The following TRAPPC9 variants were observed in gnomAD, a reference collection of about 807,000 sequenced individuals.
The protein encoded by TRAPPC9 is trafficking protein particle complex subunit 9.
TRAPPC9 carries 83 observed loss-of-function variants against 124.0 expected under a neutral mutation model. That is an observed-to-expected ratio of 0.67 (90% confidence interval 0.56 to 0.80). The LOEUF (loss-of-function observed/expected upper bound fraction) is 0.80. TRAPPC9 is among the 30% of genes least tolerant of loss of function. The pLI is 0.00. For synonymous variants in TRAPPC9, 638 were observed against 617.5 expected, an observed-to-expected ratio of 1.03 and a Z score of -0.49; for missense variants, 1,302 against 1,508.3, an observed-to-expected ratio of 0.86 and a Z score of 2.27.
At position 139,894,466 on chromosome 8, in the gene TRAPPC9, G is replaced by T. The variant is rs568577612; in HGVS notation, c.2965-8497C>A. On this transcript the variant is annotated intron_variant, in intron 20 of 22. Transcript: ENST00000438773. Reference sequence around the variant, plus strand: ...GGCCTGGGCTCAGCCCCACTGCTGCGGTGCCCTGAGTGCGCCACTCCTCCT... The same window carrying T: ...GGCCTGGGCTCAGCCCCACTGCTGCTGTGCCCTGAGTGCGCCACTCCTCCT... Among the ~76,000 whole-genome samples, 81 of 152,254 alleles carry T rather than the reference G, an allele frequency of 5.3e-4. 1 individual carries two copies. The highest frequency in any genetic ancestry group is 3.4e-3 in the Middle Eastern group (1 of 294).
At chr8:140,427,977 T>C (rs1257257295) in intron 4 of TRAPPC9, among the ~76,000 whole-genome samples, 1 of 152,116 alleles carries the variant, frequency 6.6e-6, no homozygotes, top group African/African-American at 2.4e-5. Flanking sequence ...TCCCTGCCTA[T>C]GGGGAGACTG....
At chr8:140,183,748 A>G (rs961014990) in intron 17 of TRAPPC9, among the ~76,000 whole-genome samples, 2 of 151,662 alleles carry the variant, frequency 1.3e-5, no homozygotes, top group Non-Finnish European at 2.9e-5. Context: ...CCAGCTACTC[A>G]GGAGACTGAA....
chr8:140,160,902 C>T (rs1000794078), intron 17 of TRAPPC9, among the ~76,000 whole-genome samples: 1 of 152,078 alleles, frequency 6.6e-6, no homozygotes, highest in Non-Finnish European at 1.5e-5. Context: ...ACCAGATTAT[C>T]ATGAGTTCTG....
chr8:140,167,700 T>C (rs934229891), intron 17 of TRAPPC9, among the ~76,000 whole-genome samples: 1 of 152,262 alleles, frequency 6.6e-6, no homozygotes, highest in Non-Finnish European at 1.5e-5. Context: ...GGGCTGATGA[T>C]GAGTTTTAAG....
chr8:140,453,099 A>G (rs1452575263), intron 1 of TRAPPC9, among the ~76,000 whole-genome samples: 1 of 152,064 alleles, frequency 6.6e-6, no homozygotes, highest in Admixed American at 6.6e-5. Flanking sequence ...AAAAAGTCTA[A>G]TTTTTTTAAA....
chr8:139,797,352 C>T (rs534053070), intron 21 of TRAPPC9, among the ~76,000 whole-genome samples: 1 of 152,090 alleles, frequency 6.6e-6, no homozygotes, highest in Non-Finnish European at 1.5e-5. Context: ...TTCCGCCTCC[C>T]GGGTTCAAGC....
At chr8:140,332,438 G>A (rs1175395095) in intron 9 of TRAPPC9, among the ~76,000 whole-genome samples, 1 of 152,124 alleles carries the variant, frequency 6.6e-6, no homozygotes, top group Non-Finnish European at 1.5e-5. Context: ...ACAATTTTTT[G>A]TGTATTTTCA....
At chr8:139,812,660 TTAA>T (rs1824524276) in intron 21 of TRAPPC9, among the ~76,000 whole-genome samples, 1 of 152,136 alleles carries the variant, frequency 6.6e-6, no homozygotes, top group African/African-American at 2.4e-5. Context: ...AAGAAAAATG[TTAA>T]TGAGTTAAAT....
intron 9 of TRAPPC9, among the ~76,000 whole-genome samples, chr8:140,357,791 C>T (rs1445186945): frequency 6.6e-6 from 1 of 152,214 alleles, no homozygotes; most frequent in African/African-American, 2.4e-5. Flanking sequence ...GCCATGGAGC[C>T]AGCTTCCACG....
At chr8:139,918,468 G>C (rs1423915589) in intron 19 of TRAPPC9, among the ~76,000 whole-genome samples, 1 of 152,254 alleles carries the variant, frequency 6.6e-6, no homozygotes, top group Non-Finnish European at 1.5e-5. Context: ...GAGGTGCACT[G>C]AGTTCATATG....
intron 17 of TRAPPC9, among the ~76,000 whole-genome samples, chr8:140,166,007 T>C (rs1321514815): frequency 6.6e-6 from 1 of 152,168 alleles, no homozygotes; most frequent in African/African-American, 2.4e-5. Context: ...TGACTGTCCA[T>C]GCTGCCCATA....
At chr8:139,932,122 G>A (rs903639074) in intron 19 of TRAPPC9, 32 of 358,026 alleles carry the variant, frequency 8.9e-5, no homozygotes, top group Non-Finnish European at 1.5e-4. Context: ...GGCTGAGGGC[G>A]GGGTGCTGGC....
At chr8:139,942,174 G>C (rs895146432) in intron 19 of TRAPPC9, among the ~76,000 whole-genome samples, 2 of 152,144 alleles carry the variant, frequency 1.3e-5, no homozygotes, top group South Asian at 2.1e-4. Flanking sequence ...TAATAACAGG[G>C]GGCGGCCACG....
intron 19 of TRAPPC9, among the ~76,000 whole-genome samples, chr8:139,965,873 C>T (rs1835673682): frequency 9.7e-6 from 1 of 103,030 alleles, no homozygotes; most frequent in South Asian, 3.1e-4. Flanking sequence ...ACCTAATCAC[C>T]AATAAACAGC....
intron 21 of TRAPPC9, among the ~76,000 whole-genome samples, chr8:139,831,791 T>C (rs544670957): frequency 2.0e-5 from 3 of 152,336 alleles, no homozygotes; most frequent in African/African-American, 7.2e-5. Flanking sequence ...GAGAGGGGAA[T>C]GGAGGCCCAG....
intron 19 of TRAPPC9, among the ~76,000 whole-genome samples, chr8:139,946,823 T>TG (rs200035828): frequency 1.0e-5 from 1 of 98,706 alleles, no homozygotes; most frequent in African/African-American, 5.8e-5. Context: ...TGCTAAAAAT[T>TG]TAAAAAAAAA....
intron 21 of TRAPPC9, among the ~76,000 whole-genome samples, chr8:139,787,905 G>A (rs941775846): frequency 5.9e-5 from 9 of 152,094 alleles, no homozygotes; most frequent in African/African-American, 2.2e-4. Flanking sequence ...GTCTTCCAGG[G>A]CTACTGTCAG....
intron 16 of TRAPPC9, among the ~76,000 whole-genome samples, chr8:140,251,311 C>G (rs1388355119): frequency 6.6e-6 from 1 of 152,214 alleles, no homozygotes; most frequent in Non-Finnish European, 1.5e-5. Context: ...CTATGTAACC[C>G]TCTGTCTACT....
intron 20 of TRAPPC9, among the ~76,000 whole-genome samples, chr8:139,901,372 G>A (rs1170632329): frequency 6.6e-6 from 1 of 152,240 alleles, no homozygotes; most frequent in Admixed American, 6.5e-5. Context: ...TCTTTGCCAT[G>A]ACTTTGTTTT....
Sources: allele counts gnomAD v4.1 joint callset (sites outside exome capture counted in the v4.1 genomes callset), GRCh38; gene constraint gnomAD v4.1.1; transcripts MANE v1.5; gene names NCBI Gene and HGNC (gene_info 2026-07-23, HGNC 2026-07-21).